TEK: variants seen among roughly 807,000 people sequenced by gnomAD.
TEK encodes the protein TEK receptor tyrosine kinase, also known as angiopoietin-1 receptor.
TEK carries 43 observed loss-of-function variants against 131.8 expected under a neutral mutation model. The ratio of observed to expected loss-of-function variants is 0.33; its 90% CI spans 0.26 to 0.42. TEK has a LOEUF of 0.42. Among genes scored for constraint, TEK ranks in the 10% least tolerant of loss-of-function variants. The pLI is 1.00. For synonymous variants in TEK, 580 were observed against 491.6 expected (o/e 1.18, Z -2.38); for missense variants, 1,162 against 1,384.4 (o/e 0.84, Z 2.55).
rs540841831 is a variant in TEK, at chr9:27,120,468, A to G, written c.52+10826A>G. On this transcript the variant is annotated intron_variant, in intron 1 of 22. Coordinates refer to ENST00000380036, the MANE Select transcript of TEK (RefSeq NM_000459.5). ...AAACATGGCCTGAAGGCCAAGGCAT[A>G]TGTGCAGGTGGATTATGTGGGATAA... Among the ~76,000 whole-genome samples the G allele has an allele frequency of 9.8e-5, 15 of 152,384 alleles. No individual in the cohort carries two copies. In the South Asian group the frequency reaches 2.9e-3, roughly 29 times the overall value.
intron 3 of TEK, among the ~76,000 whole-genome samples, chr9:27,168,947 C>G (rs629138): frequency 0.038 from 5,809 of 152,260 alleles, 371 homozygotes; most frequent in African/African-American, 0.13. Context: ...CCACAGTAAA[C>G]ATGGGAAGCC....
intron 18 of TEK, among the ~76,000 whole-genome samples, chr9:27,215,786 T>C (rs779616464): frequency 1.3e-5 from 2 of 152,060 alleles, no homozygotes; most frequent in Non-Finnish European, 2.9e-5. Flanking sequence ...GACTCAGGAT[T>C]GTAACAGCTG....
chr9:27,154,332 C>A (rs2131112049), intron 1 of TEK, among the ~76,000 whole-genome samples: 1 of 152,316 alleles, frequency 6.6e-6, no homozygotes, highest in East Asian at 1.9e-4. Flanking sequence ...GGTGATCCGC[C>A]TGCCTCAATC....
In TEK at chr9:27,122,356, A is replaced by G. The variant is rs549861356; in HGVS notation, c.52+12714A>G. Among the ~76,000 whole-genome samples, 73 of 152,292 alleles carry G rather than the reference A, an allele frequency of 4.8e-4. 1 individual carries two copies. The highest frequency in any genetic ancestry group is 9.0e-4 in the Non-Finnish European group (61 of 68,018). ...GTGACATTTGAGAAGGGAGAACAGG[A>G]TTATGGAAGATCAGGAGTGGAAGTG... On this transcript the variant is annotated intron_variant, in intron 1 of 22. Coordinates refer to ENST00000380036, the MANE Select transcript of TEK (RefSeq NM_000459.5).
At chr9:27,110,653 G>T (rs899209547) in intron 1 of TEK, among the ~76,000 whole-genome samples, 2 of 152,110 alleles carry the variant, frequency 1.3e-5, no homozygotes, top group African/African-American at 2.4e-5. Context: ...ATAAGTATCT[G>T]CTATATTTTC....
chr9:27,127,878 C>T (rs984861420), intron 1 of TEK, among the ~76,000 whole-genome samples: 1 of 152,092 alleles, frequency 6.6e-6, no homozygotes, highest in Admixed American at 6.5e-5. Flanking sequence ...GGATATTAAC[C>T]CCTTGTCAGA....
At chr9:27,109,729 G>A in intron 1 of TEK, 87 bp downstream of exon 1, 10 of 1,326,616 alleles carry the variant, frequency 7.5e-6, no homozygotes, top group African/African-American at 1.5e-5. Flanking sequence ...TCTCATCAGT[G>A]CTGATGAACA....
chr9:27,173,292 T>C lies in TEK; in HGVS notation c.831T>C (p.Tyr277=), dbSNP rs759617301. ...RCSGQEGCKS[Y]VFCLPDPYGC... is the part of the protein sequence containing the mutation. ...GTGGACAAGAGGGATGCAAGTCTTA[T>C]GTGTTCTGTCTCCCTGACCCCTATG... Residue 277 remains tyrosine, a synonymous_variant, in exon 6 of 23, where the codon TAT becomes TAC. Transcript: ENST00000380036. 1.7e-5 allele frequency: 28 copies of C among 1,614,010 alleles called. No individual in the cohort carries two copies. Among genetic ancestry groups the C allele is most frequent in the Admixed American group, 1.2e-4 (7 of 59,994 alleles).
At chr9:27,113,927 G>A (rs1821446325) in intron 1 of TEK, among the ~76,000 whole-genome samples, 1 of 152,134 alleles carries the variant, frequency 6.6e-6, no homozygotes, top group Non-Finnish European at 1.5e-5. Flanking sequence ...TCTTGTTCAT[G>A]CTGTTCCATC....
In TEK at chr9:27,217,777, G is replaced by A; in HGVS notation, c.3062+19G>A. 6.5e-7 allele frequency: 1 copy of A among 1,528,536 alleles called. No individual in the cohort carries two copies. The highest frequency in any genetic ancestry group is 8.7e-7 in the Non-Finnish European group (1 of 1,146,646). The allele number at this position is 1,528,536 out of a possible 1,614,324, so 94.7% of individuals were successfully genotyped here. ...GTGATGTGTGAGTAAACTTCTTATTGCCAAGGGATTTTTTTTCCCTCCCAG... is the reference window on the plus strand; with the variant it reads ...GTGATGTGTGAGTAAACTTCTTATTACCAAGGGATTTTTTTTCCCTCCCAG... On this transcript the variant is annotated intron_variant, in intron 19 of 22. Transcript: ENST00000380036.
intron 3 of TEK, among the ~76,000 whole-genome samples, chr9:27,169,202 C>T (rs1823856743): frequency 6.6e-6 from 1 of 152,190 alleles, no homozygotes; most frequent in African/African-American, 2.4e-5. Flanking sequence ...ACTATGTTCG[C>T]CTCTCCCTGT....
chr9:27,169,692 T>C (rs1564073422), intron 4 of TEK, 63 bp downstream of exon 4: 3 of 1,608,728 alleles, frequency 1.9e-6, no homozygotes, highest in African/African-American at 2.7e-5. Flanking sequence ...GATTTTTAGT[T>C]GCAAATAACA....
At chr9:27,123,242 C>T (rs1166090971) in intron 1 of TEK, among the ~76,000 whole-genome samples, 1 of 151,808 alleles carries the variant, frequency 6.6e-6, no homozygotes, top group Non-Finnish European at 1.5e-5. Context: ...TGTCTCACAT[C>T]CTGGTAGGTT....
intron 1 of TEK, among the ~76,000 whole-genome samples, 184 bp downstream of exon 1, chr9:27,109,826 T>A (rs1821262543): frequency 1.3e-5 from 2 of 152,218 alleles, no homozygotes; most frequent in South Asian, 4.1e-4. Flanking sequence ...CTCTGTGGCA[T>A]GAACTGATTT....
chr9:27,120,714 A>G (rs1044990870), intron 1 of TEK, among the ~76,000 whole-genome samples: 1 of 152,244 alleles, frequency 6.6e-6, no homozygotes, highest in Non-Finnish European at 1.5e-5. Context: ...GCAGGTTACC[A>G]TAGGTGAGGA....
chr9:27,203,353 C>CT (rs1270567206), intron 13 of TEK, among the ~76,000 whole-genome samples: 1 of 152,112 alleles, frequency 6.6e-6, no homozygotes, highest in Non-Finnish European at 1.5e-5. Flanking sequence ...ATCCAGCAAT[C>CT]TAAGAAGAAA....
chr9:27,207,275 GGTTAACTGTATATAA>G lies in TEK; in HGVS notation c.2575+487_2575+501del, dbSNP rs1825432197. ...CATTTTGCAAACCACAGTCTTCATA[GGTTAACTGTATATAA>G]GTTCCTGGGGACACTGTTAGAAATG... On this transcript the variant is annotated intron_variant, in intron 15 of 22. Transcript: ENST00000380036. Among the ~76,000 whole-genome samples the G allele has an allele frequency of 2.0e-5, 3 of 152,250 alleles. No homozygotes were observed. In the South Asian group the frequency reaches 6.2e-4, roughly 32 times the overall value.
At chr9:27,164,867 C>A (rs1823670606) in intron 2 of TEK, among the ~76,000 whole-genome samples, 1 of 152,158 alleles carries the variant, frequency 6.6e-6, no homozygotes, top group Admixed American at 6.5e-5. Context: ...GTGCTTATAA[C>A]AGCACTTGGT....
At chr9:27,119,545 G>A (rs1821699971) in intron 1 of TEK, among the ~76,000 whole-genome samples, 2 of 152,146 alleles carry the variant, frequency 1.3e-5, no homozygotes. Flanking sequence ...GCCTTATAGT[G>A]GGGACAAGGT....
Sources: allele counts gnomAD v4.1 joint callset (sites outside exome capture counted in the v4.1 genomes callset), GRCh38; gene constraint gnomAD v4.1.1; transcripts MANE v1.5; gene names NCBI Gene and HGNC (gene_info 2026-07-23, HGNC 2026-07-21).